Variants in CCND2 observed in about 807,000 individuals in gnomAD.
CCND2 encodes G1/S-specific cyclin-D2.
CCND2 carries 6 observed loss-of-function variants against 30.2 expected under a neutral mutation model. That is an observed-to-expected ratio of 0.20 (90% CI 0.11 to 0.39). The LOEUF is 0.39. Among genes scored for constraint, CCND2 ranks in the 10% least tolerant of loss-of-function variants. The probability of loss-of-function intolerance (pLI) is 1.00; values close to 1 mark genes in which losing one functional copy is unlikely to be tolerated. For missense variants in CCND2, 235 were observed against 373.4 expected, an observed-to-expected ratio of 0.63 and a Z score of 3.06; for synonymous variants, 150 against 153.1, an observed-to-expected ratio of 0.98 and a Z score of 0.15.
intron 3 of CCND2, among the ~76,000 whole-genome samples, chr12:4,286,513 G>A (rs182390919): frequency 3.4e-4 from 52 of 152,270 alleles, no homozygotes; most frequent in Middle Eastern, 3.4e-3. Context: ...AGGGCAGCAC[G>A]GCCGCCGTCC....
rs183933121 is a variant in CCND2 at position 4,303,497 on chromosome 12, T to G, written c.*3488T>G. On this transcript the variant is annotated 3_prime_UTR_variant, in exon 5 of 5. Coordinates refer to ENST00000261254, the MANE Select transcript of CCND2 (RefSeq NM_001759.4). The surrounding 1 kb of genome is among the most constrained non-coding windows in gnomAD (Gnocchi z 4.6). ...CTTTTTCTACCTTGTTGTGTTTCTATCTCGTCTTTACTTCCATCTGTTTGT... is the reference window on the plus strand; with the variant it reads ...CTTTTTCTACCTTGTTGTGTTTCTAGCTCGTCTTTACTTCCATCTGTTTGT... 4.3e-6 allele frequency: 1 copy of G among 233,748 alleles called. No homozygotes were observed. Among genetic ancestry groups the G allele is most frequent in the Non-Finnish European group, 8.5e-6 (1 of 118,066 alleles). The allele number at this position is 233,748 out of a possible 1,614,324, so 14.5% of individuals were successfully genotyped here. A position where few individuals can be genotyped will look rare whatever the true frequency, so the allele number is the denominator to read the frequency against.
intron 3 of CCND2, among the ~76,000 whole-genome samples, chr12:4,281,989 C>T (rs1433422574): frequency 1.3e-5 from 2 of 152,106 alleles, no homozygotes; most frequent in Admixed American, 1.3e-4. Flanking sequence ...ACTACAGCTC[C>T]TAGCATTCCT....
chr12:4,280,926 G>A (rs1172421733), intron 3 of CCND2, among the ~76,000 whole-genome samples: 3 of 152,214 alleles, frequency 2.0e-5, no homozygotes, highest in African/African-American at 7.2e-5. Context: ...ACCCATTCTC[G>A]AAAACCGGGG....
rs192927564 is a variant in CCND2 at position 4,302,776 on chromosome 12, T to G, written c.*2767T>G. On this transcript the variant is annotated 3_prime_UTR_variant, in exon 5 of 5. Coordinates refer to ENST00000261254, the MANE Select transcript of CCND2 (RefSeq NM_001759.4). ...AGAGGTGAAATTCCAGATGAGTCAG[T>G]CTCTTGGGAAGTGTGTTTAGAAGGG... 1.7e-5 allele frequency: 4 copies of G among 233,316 alleles called. No homozygotes were observed. Among genetic ancestry groups the G allele is most frequent in the African/African-American group, 8.8e-5 (4 of 45,452 alleles). The allele number at this position is 233,316 out of a possible 1,614,324, so 14.5% of individuals were successfully genotyped here.
At position 4,287,476 on chromosome 12, in the gene CCND2, A is replaced by C. The variant is rs1027067170; in HGVS notation, c.572-1366A>C. ...CCTGTATGCTGTGTCTCCTGCCCCC[A>C]CGTGCCCCTTCCATGTCTACACACA... is the stretch of plus-strand genomic sequence containing the variant. On this transcript the variant is annotated intron_variant, in intron 3 of 4. Coordinates refer to ENST00000261254, the MANE Select transcript of CCND2 (RefSeq NM_001759.4). The surrounding 1 kb of genome is among the most constrained non-coding windows in gnomAD (Gnocchi z 4.0). Among the ~76,000 whole-genome samples, 4 of 152,128 alleles carry C rather than the reference A, an allele frequency of 2.6e-5. No individual in the cohort carries two copies. The highest frequency in any genetic ancestry group is 9.7e-5 in the African/African-American group (4 of 41,406).
In CCND2 at chr12:4,279,913, G is replaced by A. The variant is rs1198657916; in HGVS notation, c.571+994G>A. On this transcript the variant is annotated intron_variant, in intron 3 of 4. Coordinates refer to ENST00000261254, the MANE Select transcript of CCND2 (RefSeq NM_001759.4). ...TTAAATCGCTAGGTGGACTCACGTG[G>A]TAACTTTTTTCAGGATGTTGTTACA... Among the ~76,000 whole-genome samples the A allele has an allele frequency of 2.0e-5, 3 of 151,376 alleles. 1 individual carries two copies. Among genetic ancestry groups the A allele is most frequent in the African/African-American group, 7.3e-5 (3 of 41,348 alleles).
chr12:4,278,655 AATGAGCG>A, intron 2 of CCND2, 98 bp from the exon 3 acceptor site: 1 of 1,092,678 alleles, frequency 9.2e-7, no homozygotes, highest in Non-Finnish European at 1.3e-6. Context: ...GCCACGTCCT[AATGAGCG>A]GCCTTAAAAC....
At chr12:4,278,215 G>A (rs1863899742) in intron 2 of CCND2, among the ~76,000 whole-genome samples, 1 of 152,248 alleles carries the variant, frequency 6.6e-6, no homozygotes, top group African/African-American at 2.4e-5. Flanking sequence ...GAGCAGCAGA[G>A]AGATAAAGGC....
chr12:4,291,584 G>C (rs572367886), intron 4 of CCND2, among the ~76,000 whole-genome samples: 1 of 152,096 alleles, frequency 6.6e-6, no homozygotes, highest in Non-Finnish European at 1.5e-5. Context: ...AATTAAGAAC[G>C]TAAACAAAGG....
At chr12:4,298,596 A>G (rs187731561) in intron 4 of CCND2, among the ~76,000 whole-genome samples, 102 of 152,334 alleles carry the variant, frequency 6.7e-4, no homozygotes, top group Middle Eastern at 3.4e-3. Context: ...GCTTGGCAAA[A>G]TAGAAACCTC....
intron 3 of CCND2, among the ~76,000 whole-genome samples, chr12:4,281,914 G>A (rs1178815155): frequency 1.4e-5 from 2 of 145,460 alleles, no homozygotes; most frequent in Admixed American, 1.4e-4. Flanking sequence ...GCAAGCTGCT[G>A]GTATCCCTCT....
At position 4,304,509 on chromosome 12, in the gene CCND2, T is replaced by C. The variant is rs1591653104; in HGVS notation, c.*4500T>C. 1.3e-5 allele frequency: 3 copies of C among 233,658 alleles called. No homozygotes were observed. The East Asian group carries it at 1.8e-4, about 14-fold the overall frequency. 14.5% of individuals were successfully genotyped at this position (233,658 alleles called of 1,614,324 possible). ...GTAAGAAGATTCAAGAGGATATTTATTACTTCCTCATACCACATGGCTTTT... is the reference window on the plus strand; with the variant it reads ...GTAAGAAGATTCAAGAGGATATTTACTACTTCCTCATACCACATGGCTTTT... On this transcript the variant is annotated 3_prime_UTR_variant, in exon 5 of 5. Coordinates refer to ENST00000261254, the MANE Select transcript of CCND2 (RefSeq NM_001759.4). This position sits in a 1 kb window ranked among gnomAD's most constrained non-coding sequence, Gnocchi z 6.2.
intron 4 of CCND2, among the ~76,000 whole-genome samples, chr12:4,292,157 A>G (rs535965821): frequency 1.8e-4 from 28 of 152,230 alleles, no homozygotes; most frequent in African/African-American, 6.3e-4. Flanking sequence ...ATATGTATAT[A>G]CACACACATA....
At chr12:4,283,984 C>A (rs550532073) in intron 3 of CCND2, among the ~76,000 whole-genome samples, 2 of 152,314 alleles carry the variant, frequency 1.3e-5, no homozygotes, top group African/African-American at 4.8e-5. Flanking sequence ...GACAGATTCT[C>A]CAGGAAGCAC....
At chr12:4,292,835 G>A (rs1362034509) in intron 4 of CCND2, among the ~76,000 whole-genome samples, 1 of 152,172 alleles carries the variant, frequency 6.6e-6, no homozygotes, top group Non-Finnish European at 1.5e-5. Context: ...CTGGGTCCCC[G>A]GTGACCATGG....
rs1037749450 is a variant in CCND2, at chr12:4,290,577, G to T, written c.720+1587G>T. On this transcript the variant is annotated intron_variant, in intron 4 of 4. Coordinates refer to ENST00000261254, the MANE Select transcript of CCND2 (RefSeq NM_001759.4). ...AATGTCAGTGACAGGAGTTGGAAGC[G>T]GCCACCCCCCTCCTCCTGCCCCCAG... 6.6e-4 allele frequency among the ~76,000 whole-genome samples: 100 copies of T among 151,904 alleles called. 1 individual carries two copies. Among genetic ancestry groups the T allele is most frequent in the Non-Finnish European group, 9.9e-4 (67 of 67,976 alleles).
chr12:4,283,621 C>A (rs1040875050), intron 3 of CCND2, among the ~76,000 whole-genome samples: 1 of 152,218 alleles, frequency 6.6e-6, no homozygotes, highest in African/African-American at 2.4e-5. Context: ...ATCATCACCG[C>A]CGTCATAAGC....
In CCND2 at chr12:4,279,535, T is replaced by C. The variant is rs570122412; in HGVS notation, c.571+616T>C. On this transcript the variant is annotated intron_variant, in intron 3 of 4. Coordinates refer to ENST00000261254, the MANE Select transcript of CCND2 (RefSeq NM_001759.4). The stretch of plus-strand genomic sequence containing the variant: ...TTCTGAGCGCTGGGTTCTGATGCCC[T>C]CAGTTCATGTGGAGGTGTTTTGATT... Among the ~76,000 whole-genome samples the C allele has an allele frequency of 7.1e-4, 108 of 152,274 alleles. 1 individual carries two copies. Among genetic ancestry groups the C allele is most frequent in the African/African-American group, 2.4e-3 (98 of 41,562 alleles).
intron 4 of CCND2, among the ~76,000 whole-genome samples, chr12:4,290,219 A>G (rs1049686458): frequency 3.3e-5 from 5 of 152,142 alleles, no homozygotes; most frequent in African/African-American, 9.7e-5. Flanking sequence ...TTTCCCTGGC[A>G]TTTGTTCCCA....
Sources: allele counts gnomAD v4.1 joint callset (sites outside exome capture counted in the v4.1 genomes callset), GRCh38; gene constraint gnomAD v4.1.1; non-coding constraint Gnocchi (gnomAD v3.1); transcripts MANE v1.5; gene names NCBI Gene and HGNC (gene_info 2026-07-23, HGNC 2026-07-21).